Variants in TMEM178B observed in about 807,000 individuals in gnomAD.
TMEM178B encodes transmembrane protein 178B.
TMEM178B carries 5 observed loss-of-function variants against 31.0 expected under a neutral mutation model. That is an observed-to-expected ratio of 0.16 (90% confidence interval 0.08 to 0.34). TMEM178B has a LOEUF of 0.34. Ranked by LOEUF, TMEM178B falls within the 10% of genes least tolerant of loss-of-function variation. The probability of loss-of-function intolerance (pLI) is 1.00; values close to 1 mark genes in which losing one functional copy is unlikely to be tolerated. For synonymous variants in TMEM178B, 164 were observed against 164.0 expected, an observed-to-expected ratio of 1.00 and a Z score of 0.00; for missense variants, 275 against 400.3, an observed-to-expected ratio of 0.69 and a Z score of 2.67.
intron 1 of TMEM178B, among the ~76,000 whole-genome samples, chr7:141,157,829 C>T (rs1796099217): frequency 6.6e-6 from 1 of 152,148 alleles, no homozygotes; most frequent in Admixed American, 6.5e-5. Context: ...ATCCTCATTT[C>T]CTCACAGCTG....
At chr7:141,420,641 G>C (rs1801189131) in intron 2 of TMEM178B, among the ~76,000 whole-genome samples, 1 of 152,182 alleles carries the variant, frequency 6.6e-6, no homozygotes, top group Admixed American at 6.5e-5. Flanking sequence ...AATGAGTGGA[G>C]AGAAGGAAGC....
intron 1 of TMEM178B, among the ~76,000 whole-genome samples, chr7:141,164,558 G>C (rs1796230352): frequency 6.6e-6 from 1 of 151,994 alleles, no homozygotes; most frequent in Admixed American, 6.6e-5. Flanking sequence ...ATGACAATTT[G>C]GACTAGATGG....
rs756865537 is a variant in TMEM178B, at chr7:141,149,641, T to C, written c.383-62950T>C. On this transcript the variant is annotated intron_variant, in intron 1 of 3. Coordinates refer to ENST00000565468, the MANE Select transcript of TMEM178B (RefSeq NM_001195278.2). ...TAACGTAATGTGATTTGTGTCCTTA[T>C]AAGCAGAGGGAAATTTGGACTCAGA... 1.5e-4 allele frequency among the ~76,000 whole-genome samples: 23 copies of C among 152,136 alleles called. 1 individual carries two copies. Among genetic ancestry groups the C allele is most frequent in the Non-Finnish European group, 4.4e-5 (3 of 68,026 alleles).
At chr7:141,209,392 C>G (rs1380623793) in intron 1 of TMEM178B, among the ~76,000 whole-genome samples, 1 of 152,238 alleles carries the variant, frequency 6.6e-6, no homozygotes, top group African/African-American at 2.4e-5. Flanking sequence ...AGTTCTGCAA[C>G]AATCGCCTCC....
At chr7:141,124,169 C>T (rs1795452800) in intron 1 of TMEM178B, among the ~76,000 whole-genome samples, 1 of 152,108 alleles carries the variant, frequency 6.6e-6, no homozygotes, top group South Asian at 2.1e-4. Context: ...GAGTTGAAGA[C>T]CAGCCTGTCC....
intron 2 of TMEM178B, among the ~76,000 whole-genome samples, chr7:141,366,704 A>G (rs1800011071): frequency 6.6e-6 from 1 of 151,456 alleles, no homozygotes; most frequent in Non-Finnish European, 1.5e-5. Flanking sequence ...TTTCTGCCCC[A>G]TTTTCCTTCT....
At chr7:141,215,903 T>G (rs1797135692) in intron 2 of TMEM178B, among the ~76,000 whole-genome samples, 1 of 148,534 alleles carries the variant, frequency 6.7e-6, no homozygotes, top group Admixed American at 6.7e-5. Flanking sequence ...CTTCTTTCTT[T>G]CTTTCTTTCT....
intron 2 of TMEM178B, among the ~76,000 whole-genome samples, chr7:141,436,174 A>G (rs1297717260): frequency 1.3e-5 from 2 of 152,090 alleles, no homozygotes; most frequent in African/African-American, 4.8e-5. Flanking sequence ...GGCTGGAGTG[A>G]GAGAGAGGAA....
intron 2 of TMEM178B, among the ~76,000 whole-genome samples, chr7:141,403,974 G>T (rs1163335132): frequency 6.6e-6 from 1 of 152,132 alleles, no homozygotes; most frequent in East Asian, 1.9e-4. Context: ...AGTTTTCTAG[G>T]GCTGCCATAA....
chr7:141,476,570 C>T lies in TMEM178B; in HGVS notation c.*5784C>T, dbSNP rs1398598505. ...TAGGATGAGACCAAGTCTCAAGGAG[C>T]TGGGATCTTCTTTCTCTTGTCAGTT... On this transcript the variant is annotated 3_prime_UTR_variant, in exon 4 of 4. Transcript: ENST00000565468. 6.6e-6 allele frequency: 1 copy of T among 152,148 alleles called. No individual in the cohort carries two copies. The highest frequency in any genetic ancestry group is 1.9e-4 in the East Asian group (1 of 5,190). The allele number at this position is 152,148 out of a possible 1,614,324, so 9.4% of individuals were successfully genotyped here.
At chr7:141,202,563 T>C (rs1479344598) in intron 1 of TMEM178B, among the ~76,000 whole-genome samples, 3 of 152,118 alleles carry the variant, frequency 2.0e-5, no homozygotes, top group Non-Finnish European at 2.9e-5. Context: ...AAACAAAGCA[T>C]ACAAAATGGA....
At chr7:141,286,812 A>T (rs1798455260) in intron 2 of TMEM178B, among the ~76,000 whole-genome samples, 1 of 152,338 alleles carries the variant, frequency 6.6e-6, no homozygotes, top group Middle Eastern at 3.4e-3. Flanking sequence ...ATTGCTTAAA[A>T]TAATCAGGCC....
rs552455212 is a variant in TMEM178B at position 141,399,351 on chromosome 7, G to A, written c.497-38257G>A. On this transcript the variant is annotated intron_variant, in intron 2 of 3. Coordinates refer to ENST00000565468, the MANE Select transcript of TMEM178B (RefSeq NM_001195278.2). ...GGAGTCTATTGCTAGCGTAAGCACT[G>A]TGGGGAAGCTAGTGGGAAATATGGA... is the stretch of plus-strand genomic sequence containing the variant. Among the ~76,000 whole-genome samples the A allele has an allele frequency of 1.2e-4, 18 of 152,354 alleles. No individual in the cohort carries two copies. The East Asian group carries it at 3.1e-3, about 26-fold the overall frequency.
chr7:141,329,293 G>A (rs769729652), intron 2 of TMEM178B, among the ~76,000 whole-genome samples: 6 of 152,124 alleles, frequency 3.9e-5, no homozygotes, highest in Non-Finnish European at 7.4e-5. Context: ...ATTTGTAAAA[G>A]TGTCTGTCTG....
intron 2 of TMEM178B, among the ~76,000 whole-genome samples, chr7:141,290,116 A>G (rs1798520925): frequency 6.6e-6 from 1 of 152,110 alleles, no homozygotes; most frequent in Non-Finnish European, 1.5e-5. Flanking sequence ...ACTGTCTTTC[A>G]CTTCTTTTGG....
chr7:141,295,915 G>T (rs142971488), intron 2 of TMEM178B, among the ~76,000 whole-genome samples: 7 of 152,284 alleles, frequency 4.6e-5, no homozygotes, highest in Non-Finnish European at 1.0e-4. Context: ...AATGCTAATG[G>T]TGTCTGGTTT....
At chr7:141,309,299 C>T (rs1016398589) in intron 2 of TMEM178B, among the ~76,000 whole-genome samples, 6 of 152,086 alleles carry the variant, frequency 3.9e-5, no homozygotes, top group African/African-American at 1.4e-4. Context: ...TATATTGTCT[C>T]GTGTTCTGCC....
intron 2 of TMEM178B, among the ~76,000 whole-genome samples, chr7:141,340,160 A>G (rs1366061671): frequency 3.3e-5 from 5 of 152,214 alleles, no homozygotes; most frequent in African/African-American, 7.2e-5. Flanking sequence ...GCCATGAACC[A>G]AGAAATGCAG....
rs1799037885 is a variant in TMEM178B, at chr7:141,318,163, C to T, written c.496+105459C>T. Reference sequence around the variant, plus strand: ...ACCATCCATCCATCCTTCTGTCCATCAGTCCATCCATCCATTTGTCCATTC... The same window carrying T: ...ACCATCCATCCATCCTTCTGTCCATTAGTCCATCCATCCATTTGTCCATTC... On this transcript the variant is annotated intron_variant, in intron 2 of 3. Coordinates refer to ENST00000565468, the MANE Select transcript of TMEM178B (RefSeq NM_001195278.2). This position sits in a 1 kb window ranked among gnomAD's most constrained non-coding sequence, Gnocchi z 4.1. Among the ~76,000 whole-genome samples the T allele has an allele frequency of 6.6e-6, 1 of 152,222 alleles. No individual in the cohort carries two copies. The highest frequency in any genetic ancestry group is 1.5e-5 in the Non-Finnish European group (1 of 68,038).
Sources: allele counts gnomAD v4.1 joint callset (sites outside exome capture counted in the v4.1 genomes callset), GRCh38; gene constraint gnomAD v4.1.1; non-coding constraint Gnocchi (gnomAD v3.1); transcripts MANE v1.5; gene names NCBI Gene and HGNC (gene_info 2026-07-23, HGNC 2026-07-21).